TMEM116: variants seen among roughly 807,000 people sequenced by gnomAD.
The protein encoded by TMEM116 is transmembrane protein 116.
A neutral mutation model predicts 44.3 loss-of-function variants in TMEM116; 38 were observed. The observed-to-expected ratio is 0.86, with a 90% confidence interval of 0.66 to 1.12. The LOEUF is 1.12. TMEM116 is among the 50% of genes most tolerant of loss of function. The pLI is 0.00. For missense variants in TMEM116, 354 were observed against 401.7 expected (o/e 0.88, Z 1.01); for synonymous variants, 132 against 144.8 (o/e 0.91, Z 0.64).
chr12:111,969,687 C>A (rs1200393437), intron 4 of TMEM116, among the ~76,000 whole-genome samples: 3 of 152,134 alleles, frequency 2.0e-5, no homozygotes, highest in African/African-American at 7.2e-5. Flanking sequence ...ACGCCATTCT[C>A]CTGCCTCAGC....
At chr12:111,993,934 A>G (rs1422181305) in intron 3 of TMEM116, 5 of 674,340 alleles carry the variant, frequency 7.4e-6, no homozygotes, top group Non-Finnish European at 1.4e-5. Flanking sequence ...TGTCTGTATC[A>G]TTATGACTGG....
chr12:112,000,530 CT>C (rs371150794), intron 3 of TMEM116, among the ~76,000 whole-genome samples: 419 of 140,286 alleles, frequency 3.0e-3, no homozygotes, highest in Non-Finnish European at 3.3e-3. Flanking sequence ...ATTTTTTTTT[CT>C]TTTTTTTTTT....
chr12:111,963,065 C>T (rs890528051), intron 4 of TMEM116, among the ~76,000 whole-genome samples: 2 of 152,150 alleles, frequency 1.3e-5, no homozygotes, highest in Non-Finnish European at 2.9e-5. Flanking sequence ...AAAAAAAGCT[C>T]ATCATCACTG....
chr12:111,972,088 A>AAAC (rs1289904464), intron 4 of TMEM116, among the ~76,000 whole-genome samples: 2 of 150,656 alleles, frequency 1.3e-5, no homozygotes, highest in Non-Finnish European at 3.0e-5. Flanking sequence ...AAAAAAAAAA[A>AAAC]AAAAAAAACC....
At chr12:111,956,337 G>A (rs1361612025) in intron 4 of TMEM116, among the ~76,000 whole-genome samples, 1 of 152,090 alleles carries the variant, frequency 6.6e-6, no homozygotes, top group African/African-American at 2.4e-5. Context: ...AAAAATATTC[G>A]TGTGTCCTGA....
intron 4 of TMEM116, among the ~76,000 whole-genome samples, chr12:111,960,697 T>C (rs2074520757): frequency 6.6e-6 from 1 of 152,038 alleles, no homozygotes; most frequent in South Asian, 2.1e-4. Flanking sequence ...GGGAAATTTA[T>C]AGCACTAAAT....
At chr12:111,978,713 CA>C (rs1455550218) in intron 4 of TMEM116, 1 of 411,578 alleles carries the variant, frequency 2.4e-6, no homozygotes, top group Non-Finnish European at 4.9e-6. Flanking sequence ...TAGCCATCTG[CA>C]AACCAGGAAG....
chr12:112,001,678 T>A (rs1451240160), intron 3 of TMEM116, among the ~76,000 whole-genome samples: 1 of 152,222 alleles, frequency 6.6e-6, no homozygotes, highest in African/African-American at 2.4e-5. Context: ...GTGTAAGTCA[T>A]ACTTTATTAA....
At position 111,933,938 on chromosome 12, in the gene TMEM116, C is replaced by T. The variant is rs1273604659; in HGVS notation, c.681G>A (p.Val227=). 22 of 1,613,978 alleles carry T rather than the reference C, an allele frequency of 1.4e-5. No individual in the cohort carries two copies. Among genetic ancestry groups the T allele is most frequent in the Non-Finnish European group, 1.8e-5 (21 of 1,180,036 alleles). Residue 227 remains valine, a synonymous_variant, in exon 9 of 11, where the codon GTG becomes GTA. Transcript: ENST00000552374. ...CTGGGTAGAAGCGCACCCGTTGGTC[C>T]ACAATGTGAATCACTGCCCACTGTT... is the stretch of plus-strand genomic sequence containing the variant. ...GSEQWAVIHI[V]DQRVRFYPVA...
At chr12:111,940,701 C>G (rs2072743871) in intron 5 of TMEM116, among the ~76,000 whole-genome samples, 2 of 151,868 alleles carry the variant, frequency 1.3e-5, no homozygotes, top group South Asian at 2.1e-4. Context: ...GAGAGCTAAT[C>G]TTATGTCCTT....
intron 4 of TMEM116, among the ~76,000 whole-genome samples, chr12:111,964,931 G>T (rs1052396408): frequency 9.2e-5 from 14 of 151,998 alleles, no homozygotes; most frequent in African/African-American, 3.4e-4. Flanking sequence ...GGACTCAAGC[G>T]ATCCTCCCAC....
intron 4 of TMEM116, among the ~76,000 whole-genome samples, chr12:111,957,469 C>T (rs1194469560): frequency 4.6e-5 from 7 of 151,766 alleles, no homozygotes; most frequent in East Asian, 2.0e-4. Context: ...CGTCTACGCC[C>T]GGCAGCCGCC....
At chr12:111,963,731 G>T (rs376764220) in intron 4 of TMEM116, among the ~76,000 whole-genome samples, 1 of 152,096 alleles carries the variant, frequency 6.6e-6, no homozygotes. Flanking sequence ...TGGGTAGATG[G>T]GTGCAGCAAA....
intron 5 of TMEM116, among the ~76,000 whole-genome samples, chr12:111,941,099 C>T (rs1368220489): frequency 2.6e-5 from 4 of 152,004 alleles, no homozygotes; most frequent in Non-Finnish European, 5.9e-5. Flanking sequence ...AAGAGTAGGC[C>T]GGGCGCGTTG....
chr12:112,013,209 G>T, upstream of TMEM116: 1 of 433,088 alleles, frequency 2.3e-6, no homozygotes, highest in East Asian at 3.8e-5. Context: ...GCGCGCAGGA[G>T]CCCATTTTCC....
chr12:111,953,312 C>T (rs549190892), intron 4 of TMEM116, among the ~76,000 whole-genome samples: 1 of 152,274 alleles, frequency 6.6e-6, no homozygotes, highest in Non-Finnish European at 1.5e-5. Context: ...GAGACAAATC[C>T]ATCCTGACAC....
intron 3 of TMEM116, among the ~76,000 whole-genome samples, chr12:112,002,160 CTT>C (rs1031084374): frequency 7.2e-5 from 11 of 152,068 alleles, no homozygotes; most frequent in Admixed American, 4.6e-4. Flanking sequence ...AGAGTATTGA[CTT>C]TTAAAAATCC....
At position 111,993,212 on chromosome 12, in the gene TMEM116, T is replaced by C. The variant is rs1261027301; in HGVS notation, c.79-1323A>G. ...TGTGTGGCTCTCGTGGGGTCTTAGG[T>C]TGTGGTCTGACACACACTGCGGTCA... On this transcript the variant is annotated intron_variant, in intron 3 of 10. Transcript: ENST00000552374. 29 of 410,876 alleles carry C rather than the reference T, an allele frequency of 7.1e-5. No homozygotes were observed. The Admixed American group carries it at 8.3e-4, about 12-fold the overall frequency. The allele number at this position is 410,876 out of a possible 1,614,324, so 25.5% of individuals were successfully genotyped here.
intron 4 of TMEM116, among the ~76,000 whole-genome samples, chr12:111,965,143 A>G (rs1168187257): frequency 6.6e-6 from 1 of 152,140 alleles, no homozygotes; most frequent in Non-Finnish European, 1.5e-5. Flanking sequence ...GGACCTCTTC[A>G]TCGGCTTGTA....
Sources: gnomAD v4.1 joint callset for allele counts (sites outside exome capture counted in the v4.1 genomes callset) on GRCh38, gnomAD v4.1.1 for gene constraint, MANE v1.5 for transcripts, NCBI Gene and HGNC (gene_info 2026-07-23, HGNC 2026-07-21) for gene names.